Variants in GGT7 observed in about 807,000 individuals in gnomAD.
The protein encoded by GGT7 is gamma-glutamyltransferase 7.
In GGT7, 30 loss-of-function variants were observed where a neutral mutation model predicts 69.2. That is an observed-to-expected ratio of 0.43 (90% confidence interval 0.32 to 0.59). GGT7 has a LOEUF of 0.59. Ranked by LOEUF, GGT7 falls within the 20% of genes least tolerant of loss-of-function variation. The pLI is 0.05. For synonymous variants in GGT7, 388 were observed against 391.8 expected (o/e 0.99, Z 0.12); for missense variants, 733 against 901.1 (o/e 0.81, Z 2.39).
chr20:34,872,654 G>C lies in GGT7; in HGVS notation c.162C>G (p.Pro54=). Residue 54 remains proline (P), a synonymous_variant, in exon 1 of 15, where the codon CCC becomes CCG. Coordinates refer to ENST00000336431, the MANE Select transcript of GGT7 (RefSeq NM_178026.3). ...GGGGTCAGCGGGCCTCACCGGTGTC[G>C]GGGTCTCCCAGAAAGGCGTCCTCGT... The part of the protein sequence containing the change: ...RKDEDAFLGD[P]DTDPDSFLKS... 1.4e-6 allele frequency: 2 copies of C among 1,475,408 alleles called. No individual in the cohort carries two copies. The highest frequency in any genetic ancestry group is 1.8e-6 in the Non-Finnish European group (2 of 1,117,086). The allele number at this position is 1,475,408 out of a possible 1,614,324, so 91.4% of individuals were successfully genotyped here.
intron 14 of GGT7, 104 bp from the exon 15 acceptor site, chr20:34,845,595 G>A (rs887057251): frequency 5.3e-6 from 5 of 946,292 alleles, no homozygotes; most frequent in Admixed American, 4.2e-5. Flanking sequence ...CCACCACAGA[G>A]CTGTATGACC....
chr20:34,860,241 G>A lies in GGT7; in HGVS notation c.743+13C>T. Reference sequence around the variant, plus strand: ...AAACGGGGGTCCCTGGTCCCCAGGGGGAGGGTTGTTACCTGCCATAGAGCT... The same window carrying A: ...AAACGGGGGTCCCTGGTCCCCAGGGAGAGGGTTGTTACCTGCCATAGAGCT... On this transcript the variant is annotated intron_variant, in intron 5 of 14. Transcript: ENST00000336431. 6.2e-7 allele frequency: 1 copy of A among 1,601,674 alleles called. No individual in the cohort carries two copies. Among genetic ancestry groups the A allele is most frequent in the Admixed American group, 1.7e-5 (1 of 60,020 alleles).
rs1228940621 is a variant in GGT7 at position 34,863,579 on chromosome 20, C to T, written c.170-31G>A. On this transcript the variant is annotated intron_variant, in intron 1 of 14. Transcript: ENST00000336431. This position sits in a 1 kb window ranked among gnomAD's most constrained non-coding sequence, Gnocchi z 4.4. ...GGCAGGCAGCCGGGGTCGGTCTGGG[C>T]ATCTCCTATCTGGCCCTGCCCACCC... The T allele has an allele frequency of 7.0e-7, 1 of 1,438,790 alleles. No homozygotes were observed. The highest frequency in any genetic ancestry group is 9.6e-7 in the Non-Finnish European group (1 of 1,045,950). The allele number at this position is 1,438,790 out of a possible 1,614,324, so 89.1% of individuals were successfully genotyped here. A position where few individuals can be genotyped will look rare whatever the true frequency, so the allele number is the denominator to read the frequency against.
Position 34,851,245 on chromosome 20 carries a change from T to G in GGT7, c.1711A>C (p.Ser571Arg). The G allele has an allele frequency of 6.2e-7, 1 of 1,613,628 alleles. No individual in the cohort carries two copies. The highest frequency in any genetic ancestry group is 8.5e-7 in the Non-Finnish European group (1 of 1,179,994). Residue 571 changes from serine to arginine, a missense_variant, in exon 13 of 15, where the codon AGC becomes CGC. Physicochemically the swap from Ser to Arg is moderately radical, Grantham distance 110. Transcript: ENST00000336431. The part of the protein sequence containing the change: ...LGANGAARGL[S>R]GLTQVLLNVL... ...GTAAACCTCACCTGTGTCAGGCCGCTGAGGCCCCGCGCAGCTCCATTGGCC... is the reference window on the plus strand; with the variant it reads ...GTAAACCTCACCTGTGTCAGGCCGCGGAGGCCCCGCGCAGCTCCATTGGCC...
At chr20:34,857,611 A>G (rs1242198637) in intron 7 of GGT7, among the ~76,000 whole-genome samples, 3 of 137,622 alleles carry the variant, frequency 2.2e-5, no homozygotes, top group Non-Finnish European at 3.1e-5. Context: ...AGAATTACAC[A>G]TTGATTTTTT....
At chr20:34,859,374 A>C in intron 7 of GGT7, 69 bp downstream of exon 7, 1 of 1,241,138 alleles carries the variant, frequency 8.1e-7, no homozygotes, top group Non-Finnish European at 1.1e-6. Flanking sequence ...GAAGGAAAAA[A>C]TGCGGACGCG....
At chr20:34,860,628 A>G (rs1439883233) in intron 4 of GGT7, among the ~76,000 whole-genome samples, 1 of 140,674 alleles carries the variant, frequency 7.1e-6, no homozygotes, top group African/African-American at 2.7e-5. Flanking sequence ...GGATTTCACC[A>G]ACCCCTGCCT....
chr20:34,866,303 C>T lies in GGT7; in HGVS notation c.170-2755G>A, dbSNP rs528819009. ...CCTTTTTAGAAATCAATACATAAAC[C>T]GGGAGTGCTCGTGCATGCCTGTAAG... On this transcript the variant is annotated intron_variant, in intron 1 of 14. Coordinates refer to ENST00000336431, the MANE Select transcript of GGT7 (RefSeq NM_178026.3). Among the ~76,000 whole-genome samples, 50 of 152,118 alleles carry T rather than the reference C, an allele frequency of 3.3e-4. No individual in the cohort carries two copies. In the South Asian group the frequency reaches 5.8e-3, roughly 18 times the overall value.
chr20:34,863,194 A>C lies in GGT7; in HGVS notation c.405+119T>G. 1.2e-6 allele frequency: 1 copy of C among 862,958 alleles called. No homozygotes were observed. 53.5% of individuals were successfully genotyped at this position (862,958 alleles called of 1,614,324 possible). Reference sequence around the variant, plus strand: ...CCTCTCTTTGGGACCTTCCTCTCCCAAGTCACCACCCTCTCTCCCCTTCTA... The same window carrying C: ...CCTCTCTTTGGGACCTTCCTCTCCCCAGTCACCACCCTCTCTCCCCTTCTA... On this transcript the variant is annotated intron_variant, in intron 2 of 14. Transcript: ENST00000336431. This position sits in a 1 kb window ranked among gnomAD's most constrained non-coding sequence, Gnocchi z 4.4.
Position 34,863,767 on chromosome 20 carries a change from G to A in GGT7, c.170-219C>T. 1.4e-6 allele frequency: 1 copy of A among 710,952 alleles called. No individual in the cohort carries two copies. The allele number at this position is 710,952 out of a possible 1,614,324, so 44.0% of individuals were successfully genotyped here. A position where few individuals can be genotyped will look rare whatever the true frequency, so the allele number is the denominator to read the frequency against. On this transcript the variant is annotated intron_variant, in intron 1 of 14. Transcript: ENST00000336431. The surrounding 1 kb of genome is among the most constrained non-coding windows in gnomAD (Gnocchi z 4.4). ...CAGGGACCTCCCCAGCTGGGCAGCAGGGAGGCTGGATTCCCGCCCCTCCCT... is the reference window on the plus strand; with the variant it reads ...CAGGGACCTCCCCAGCTGGGCAGCAAGGAGGCTGGATTCCCGCCCCTCCCT...
chr20:34,860,188 T>C, intron 5 of GGT7, 66 bp downstream of exon 5: 3 of 1,218,276 alleles, frequency 2.5e-6, no homozygotes, highest in Non-Finnish European at 2.4e-6. Context: ...TCCAGGGAAG[T>C]AGGAGAAGGC....
At chr20:34,861,677 G>A in intron 3 of GGT7, 115 bp from the exon 4 acceptor site, 1 of 602,228 alleles carries the variant, frequency 1.7e-6, no homozygotes, top group Non-Finnish European at 2.6e-6. Context: ...TTTCATTTGG[G>A]GTCAGGTGTC....
rs778644849 is a variant in GGT7, at chr20:34,852,234, G to C, written c.1508C>G (p.Pro503Arg). ...NQPFGSGLITPSGILLNSQML... is the reference protein window; with the variant it reads ...NQPFGSGLITRSGILLNSQML... ...CTGGCTGTTGAGCAGGATCCCCGAGGGGGTGATAAGGCCGCTGCCAAAGGG... is the reference window on the plus strand; with the variant it reads ...CTGGCTGTTGAGCAGGATCCCCGAGCGGGTGATAAGGCCGCTGCCAAAGGG... Residue 503 changes from proline (P) to arginine (R), a missense_variant, in exon 12 of 15, where the codon CCC becomes CGC. Transcript: ENST00000336431. The C allele has an allele frequency of 6.2e-7, 1 of 1,614,078 alleles. No homozygotes were observed.
intron 1 of GGT7, among the ~76,000 whole-genome samples, chr20:34,871,987 G>A (rs907202800): frequency 6.6e-6 from 1 of 152,116 alleles, no homozygotes; most frequent in Non-Finnish European, 1.5e-5. Context: ...AAATTCTGGA[G>A]ACTGCTTCCT....
At chr20:34,854,957 G>A (rs1266531547) in intron 8 of GGT7, 34 bp from the exon 9 acceptor site, 1 of 1,608,492 alleles carries the variant, frequency 6.2e-7, no homozygotes. Context: ...TGGCAGGGTA[G>A]GGGTCAAGGC....
In GGT7 at chr20:34,848,848, C is replaced by G. The variant is rs2079341129; in HGVS notation, c.1825+1113G>C. 3.9e-5 allele frequency among the ~76,000 whole-genome samples: 6 copies of G among 152,274 alleles called. No individual in the cohort carries two copies. The South Asian group carries it at 1.2e-3, about 32-fold the overall frequency. On this transcript the variant is annotated intron_variant, in intron 14 of 14. Transcript: ENST00000336431. ...ACTGTGTCTCAATCAATTCTGTATT[C>G]TTTTGGACTCGTGTCATATTAATAC...
chr20:34,872,451 C>T (rs1042054331), intron 1 of GGT7, 196 bp downstream of exon 1: 49 of 427,756 alleles, frequency 1.1e-4, no homozygotes, highest in African/African-American at 9.2e-4. Context: ...TCTCCGTTGT[C>T]GCATCCTACG....
intron 10 of GGT7, among the ~76,000 whole-genome samples, chr20:34,853,228 A>G (rs992169810): frequency 6.6e-6 from 1 of 152,128 alleles, no homozygotes; most frequent in African/African-American, 2.4e-5. Flanking sequence ...TACAGGCATG[A>G]GCCACCACAT....
At chr20:34,850,182 G>C (rs1248189916) in intron 13 of GGT7, 122 bp from the exon 14 acceptor site, 3 of 794,884 alleles carry the variant, frequency 3.8e-6, no homozygotes, top group African/African-American at 1.7e-5. Context: ...GGTGTCATCT[G>C]AGCCTCCTAA....
Sources: allele counts gnomAD v4.1 joint callset (sites outside exome capture counted in the v4.1 genomes callset), GRCh38; gene constraint gnomAD v4.1.1; non-coding constraint Gnocchi (gnomAD v3.1); transcripts MANE v1.5; gene names NCBI Gene and HGNC (gene_info 2026-07-23, HGNC 2026-07-21).